CLEC16A: variants seen among roughly 807,000 people sequenced by gnomAD.
CLEC16A encodes protein CLEC16A.
Under a neutral mutation model 109.5 loss-of-function variants are expected in CLEC16A, and 51 were observed. The observed-to-expected ratio is 0.47, with a 90% CI of 0.37 to 0.59. The LOEUF (loss-of-function observed/expected upper bound fraction) is 0.59, where lower values mean the gene tolerates loss of function less well. Among genes scored for constraint, CLEC16A ranks in the 20% least tolerant of loss-of-function variants. The pLI, the probability that CLEC16A is intolerant of heterozygous loss-of-function variation, is 0.00. For synonymous variants in CLEC16A, 673 were observed against 564.2 expected (o/e 1.19, Z -2.73); for missense variants, 1,339 against 1,394.0 (o/e 0.96, Z 0.63).
chr16:10,983,551 C>A (rs557205886), intron 10 of CLEC16A, among the ~76,000 whole-genome samples: 130 of 152,172 alleles, frequency 8.5e-4, no homozygotes, highest in Non-Finnish European at 1.0e-3. Context: ...GATCATCAAG[C>A]TTTGGACTAA....
At chr16:11,043,775 G>A (rs1038401061) in intron 15 of CLEC16A, among the ~76,000 whole-genome samples, 1 of 151,866 alleles carries the variant, frequency 6.6e-6, no homozygotes, top group African/African-American at 2.4e-5. Flanking sequence ...TGAGACAGGA[G>A]AATCACTTGA....
intron 7 of CLEC16A, among the ~76,000 whole-genome samples, chr16:10,976,883 G>A (rs2043056910): frequency 6.6e-6 from 1 of 152,234 alleles, no homozygotes; most frequent in African/African-American, 2.4e-5. Flanking sequence ...TTTAATTACA[G>A]TGGATTTATT....
At chr16:10,969,037 G>A (rs1463124774) in intron 3 of CLEC16A, 124 bp from the exon 4 acceptor site, 2 of 692,810 alleles carry the variant, frequency 2.9e-6, no homozygotes, top group Non-Finnish European at 4.7e-6. Flanking sequence ...CCCAGTTAGT[G>A]TGTTTAATCC....
intron 7 of CLEC16A, among the ~76,000 whole-genome samples, chr16:10,974,155 C>G (rs940323025): frequency 6.6e-6 from 1 of 151,856 alleles, no homozygotes; most frequent in African/African-American, 2.4e-5. Flanking sequence ...CCTGGGCCTC[C>G]CAGAAGTGCT....
intron 7 of CLEC16A, 134 bp downstream of exon 7, chr16:10,973,195 T>G: frequency 5.0e-6 from 5 of 996,084 alleles, no homozygotes; most frequent in Non-Finnish European, 7.0e-6. Context: ...ACTTCCGTAC[T>G]GTAAAAGGTC....
chr16:11,092,083 G>A (rs577689143), intron 19 of CLEC16A, among the ~76,000 whole-genome samples: 14 of 152,176 alleles, frequency 9.2e-5, no homozygotes, highest in East Asian at 5.8e-4. Flanking sequence ...AGTGGCTCAC[G>A]CCTGTAATTT....
rs1210376032 is a variant in CLEC16A at position 11,083,902 on chromosome 16, C to T, written c.2116+22880C>T. On this transcript the variant is annotated intron_variant, in intron 19 of 23. Coordinates refer to ENST00000409790, the MANE Select transcript of CLEC16A (RefSeq NM_015226.3). ...CTCCCCTTGCCTGTGTGTGTTCTAC[C>T]CGGAATGGAAACCAGCTTTTCACCT... 2.6e-5 allele frequency among the ~76,000 whole-genome samples: 4 copies of T among 152,176 alleles called. No homozygotes were observed. The South Asian group carries it at 6.2e-4, about 24-fold the overall frequency.
intron 19 of CLEC16A, among the ~76,000 whole-genome samples, chr16:11,094,143 C>T (rs1432985228): frequency 6.6e-6 from 1 of 152,198 alleles, no homozygotes; most frequent in East Asian, 1.9e-4. Flanking sequence ...AACCTTTCCT[C>T]CAGAGTACTT....
chr16:11,077,641 A>G (rs908840494), intron 19 of CLEC16A, among the ~76,000 whole-genome samples: 1 of 152,126 alleles, frequency 6.6e-6, no homozygotes, highest in African/African-American at 2.4e-5. Context: ...CCTAGGGGAC[A>G]ACGTGAGACC....
At chr16:11,091,752 C>G (rs963226896) in intron 19 of CLEC16A, among the ~76,000 whole-genome samples, 1 of 152,168 alleles carries the variant, frequency 6.6e-6, no homozygotes, top group South Asian at 2.1e-4. Flanking sequence ...CAGCAGGCCT[C>G]TGATAGGTGT....
intron 19 of CLEC16A, among the ~76,000 whole-genome samples, chr16:11,086,144 T>C (rs2049996644): frequency 6.6e-6 from 1 of 152,220 alleles, no homozygotes; most frequent in Non-Finnish European, 1.5e-5. Context: ...CCAGGGAACT[T>C]TGGCTTCCTT....
At chr16:10,988,903 T>C (rs1370800468) in intron 10 of CLEC16A, among the ~76,000 whole-genome samples, 1 of 152,164 alleles carries the variant, frequency 6.6e-6, no homozygotes, top group Non-Finnish European at 1.5e-5. Flanking sequence ...ATAATGACCT[T>C]AGTTCCTAAG....
intron 10 of CLEC16A, among the ~76,000 whole-genome samples, chr16:11,000,170 G>C (rs554151745): frequency 6.6e-6 from 1 of 152,246 alleles, no homozygotes; most frequent in East Asian, 1.9e-4. Context: ...GGGTTCCTTT[G>C]GTTCTAGGGG....
intron 22 of CLEC16A, among the ~76,000 whole-genome samples, chr16:11,154,155 G>T (rs1459541503): frequency 6.6e-6 from 1 of 152,226 alleles, no homozygotes; most frequent in Non-Finnish European, 1.5e-5. Context: ...TTATTTGTTT[G>T]AATACACTGC....
chr16:10,977,489 G>A, intron 8 of CLEC16A, 90 bp downstream of exon 8: 1 of 1,176,614 alleles, frequency 8.5e-7, no homozygotes, highest in Non-Finnish European at 1.2e-6. Context: ...GCTGAGCATT[G>A]CAAATCAGGA....
At position 11,181,326 on chromosome 16, in the gene CLEC16A, C is replaced by G. The variant is rs1161866381; in HGVS notation, c.*2636C>G. 2.6e-5 allele frequency: 4 copies of G among 152,356 alleles called. No individual in the cohort carries two copies. The highest frequency in any genetic ancestry group is 9.6e-5 in the African/African-American group (4 of 41,460). The allele number at this position is 152,356 out of a possible 1,614,324, so 9.4% of individuals were successfully genotyped here. A position where few individuals can be genotyped will look rare whatever the true frequency, so the allele number is the denominator to read the frequency against. ...GAAGAGCCAGGAGTGTGGGAAGGCC[C>G]ACAGTGGGGGCTGTGGCTTCTGACA... is the stretch of plus-strand genomic sequence containing the variant. On this transcript the variant is annotated 3_prime_UTR_variant, in exon 24 of 24. Transcript: ENST00000409790.
At chr16:11,156,141 C>T (rs574861927) in intron 22 of CLEC16A, among the ~76,000 whole-genome samples, 21 of 152,252 alleles carry the variant, frequency 1.4e-4, no homozygotes, top group African/African-American at 5.1e-4. Context: ...ACGGCTGGAT[C>T]ACCTGAGGTC....
intron 22 of CLEC16A, among the ~76,000 whole-genome samples, chr16:11,161,781 A>C (rs1217539952): frequency 6.6e-6 from 1 of 152,210 alleles, no homozygotes; most frequent in African/African-American, 2.4e-5. Context: ...TTTTTTAAGA[A>C]AGCAGAAATC....
intron 23 of CLEC16A, among the ~76,000 whole-genome samples, chr16:11,177,649 A>G (rs1597647159): frequency 6.6e-6 from 1 of 151,528 alleles, no homozygotes; most frequent in East Asian, 1.9e-4. Context: ...TGCTCCAAGA[A>G]TAACTGCGTT....
Sources: allele counts gnomAD v4.1 joint callset (sites outside exome capture counted in the v4.1 genomes callset), GRCh38; gene constraint gnomAD v4.1.1; transcripts MANE v1.5; gene names NCBI Gene and HGNC (gene_info 2026-07-23, HGNC 2026-07-21).